Variants in WWOX observed in about 807,000 individuals in gnomAD.
WWOX encodes WW domain-containing oxidoreductase.
WWOX carries 69 observed loss-of-function variants against 46.2 expected under a neutral mutation model. That is an observed-to-expected ratio of 1.49 (90% CI 1.23 to 1.82). The LOEUF (loss-of-function observed/expected upper bound fraction) is 1.82. WWOX is among the 40% of genes most tolerant of loss of function. The pLI is 0.00. For synonymous variants in WWOX, 359 were observed against 202.6 expected (o/e 1.77, Z -6.56); for missense variants, 919 against 542.6 (o/e 1.69, Z -6.89).
intron 8 of WWOX, among the ~76,000 whole-genome samples, chr16:79,062,422 C>T (rs1437706932): frequency 6.6e-6 from 1 of 151,534 alleles, no homozygotes; most frequent in Admixed American, 6.6e-5. Flanking sequence ...GACTGTTTGC[C>T]AGGGAACCAA....
intron 8 of WWOX, among the ~76,000 whole-genome samples, chr16:78,969,905 A>G (rs573264483): frequency 2.6e-5 from 4 of 152,344 alleles, no homozygotes; most frequent in African/African-American, 9.6e-5. Context: ...TTCTAAAGCA[A>G]TAAAAATGTT....
At chr16:78,130,273 A>G (rs971158557) in intron 4 of WWOX, 3 of 152,212 alleles carry the variant, frequency 2.0e-5, no homozygotes, top group Non-Finnish European at 4.4e-5. Flanking sequence ...AGCCCTCATA[A>G]GTAAGATTTG....
chr16:78,622,679 G>C (rs1360965686), intron 8 of WWOX, among the ~76,000 whole-genome samples: 3 of 70,118 alleles, frequency 4.3e-5, no homozygotes, highest in Admixed American at 4.3e-4. Context: ...AATGTAGGTG[G>C]GATATGGGAG....
chr16:78,564,411 A>C (rs1389174474), intron 8 of WWOX, among the ~76,000 whole-genome samples: 1 of 152,206 alleles, frequency 6.6e-6, no homozygotes, highest in Non-Finnish European at 1.5e-5. Context: ...CTCAGGAAGC[A>C]TGAACATTTC....
In WWOX at chr16:78,688,131, G is replaced by A. The variant is rs1025232788; in HGVS notation, c.1056+255379G>A. ...ATTTCTATATATCTTAAAGTTTTCT[G>A]CAATAGAAATGCATTTCAAATATAA... On this transcript the variant is annotated intron_variant, in intron 8 of 8. Transcript: ENST00000566780. Among the ~76,000 whole-genome samples the A allele has an allele frequency of 9.2e-5, 14 of 151,840 alleles. No individual in the cohort carries two copies. The East Asian group carries it at 2.7e-3, about 29-fold the overall frequency.
intron 8 of WWOX, among the ~76,000 whole-genome samples, chr16:78,685,711 T>A (rs556481218): frequency 6.6e-6 from 1 of 152,200 alleles, no homozygotes; most frequent in Admixed American, 6.5e-5. Flanking sequence ...CCTCCCTCTT[T>A]GAAATTATTC....
At chr16:78,658,780 A>T (rs535426142) in intron 8 of WWOX, among the ~76,000 whole-genome samples, 1 of 152,116 alleles carries the variant, frequency 6.6e-6, no homozygotes, top group South Asian at 2.1e-4. Context: ...ATCTGTGAAG[A>T]TTCCATTTCT....
At chr16:78,704,716 C>T (rs546838442) in intron 8 of WWOX, among the ~76,000 whole-genome samples, 4 of 152,042 alleles carry the variant, frequency 2.6e-5, no homozygotes, top group Non-Finnish European at 4.4e-5. Flanking sequence ...GACAGTTTTC[C>T]GAGCTGCTGG....
At chr16:78,668,131 T>C (rs1350589616) in intron 8 of WWOX, among the ~76,000 whole-genome samples, 1 of 151,982 alleles carries the variant, frequency 6.6e-6, no homozygotes, top group South Asian at 2.1e-4. Context: ...ATACAAAAAA[T>C]TAGCCAGCTG....
intron 8 of WWOX, among the ~76,000 whole-genome samples, chr16:79,208,834 C>T (rs149276605): frequency 5.9e-5 from 9 of 152,128 alleles, no homozygotes; most frequent in African/African-American, 9.7e-5. Context: ...GCCATTGGTA[C>T]GGCTGAAAAT....
intron 8 of WWOX, among the ~76,000 whole-genome samples, chr16:78,564,165 G>A (rs990185652): frequency 6.6e-6 from 1 of 152,202 alleles, no homozygotes; most frequent in African/African-American, 2.4e-5. Flanking sequence ...GCTGACTCAT[G>A]CAATCTTGAG....
intron 8 of WWOX, among the ~76,000 whole-genome samples, chr16:78,820,811 G>C (rs376295785): frequency 1.3e-5 from 2 of 152,184 alleles, no homozygotes; most frequent in East Asian, 3.9e-4. Flanking sequence ...TGGAAGCTAT[G>C]AGGGAGAAAC....
At chr16:78,567,039 C>A (rs1291056512) in intron 8 of WWOX, among the ~76,000 whole-genome samples, 1 of 152,102 alleles carries the variant, frequency 6.6e-6, no homozygotes, top group East Asian at 1.9e-4. Flanking sequence ...GTCATACATT[C>A]ATTATTTGTT....
At position 78,797,261 on chromosome 16, in the gene WWOX, G is replaced by C. The variant is rs945477650; in HGVS notation, c.1056+364509G>C. ...TGCTAAAGGGAAGACATGATCTCAA[G>C]TCAGCCACCTCTGACCCAAATAAGA... On this transcript the variant is annotated intron_variant, in intron 8 of 8. Coordinates refer to ENST00000566780, the MANE Select transcript of WWOX (RefSeq NM_016373.4). Among the ~76,000 whole-genome samples the C allele has an allele frequency of 2.0e-5, 3 of 146,384 alleles. No homozygotes were observed. The East Asian group carries it at 6.3e-4, about 31-fold the overall frequency.
chr16:78,946,693 C>T (rs560459435), intron 8 of WWOX, among the ~76,000 whole-genome samples: 1 of 152,070 alleles, frequency 6.6e-6, no homozygotes, highest in Non-Finnish European at 1.5e-5. Context: ...GCCTGGAAAA[C>T]TGTGTGGTGC....
intron 6 of WWOX, among the ~76,000 whole-genome samples, chr16:78,413,663 C>T (rs2082732304): frequency 6.6e-6 from 1 of 151,868 alleles, no homozygotes; most frequent in Admixed American, 6.6e-5. Flanking sequence ...GAGCAGGTCA[C>T]TGGGGATATG....
chr16:78,947,982 C>T lies in WWOX; in HGVS notation c.1057-263626C>T, dbSNP rs1057150113. On this transcript the variant is annotated intron_variant, in intron 8 of 8. Transcript: ENST00000566780. The stretch of plus-strand genomic sequence containing the variant: ...CTTAGATGTGAGGTCCAAGGACATT[C>T]TAGAGGAAGTCAAAGGCAGAGGGAG... Among the ~76,000 whole-genome samples, 3 of 152,120 alleles carry T rather than the reference C, an allele frequency of 2.0e-5. No individual in the cohort carries two copies. The South Asian group carries it at 6.2e-4, about 32-fold the overall frequency.
chr16:78,702,120 A>ATTTATT (rs1555519623), intron 8 of WWOX, among the ~76,000 whole-genome samples: 2 of 130,040 alleles, frequency 1.5e-5, no homozygotes, highest in Admixed American at 7.8e-5. Context: ...ATATATATAT[A>ATTTATT]TATTTATTTA....
At position 78,718,136 on chromosome 16, in the gene WWOX, C is replaced by T. The variant is rs1023194780; in HGVS notation, c.1056+285384C>T. 3.5e-5 allele frequency among the ~76,000 whole-genome samples: 5 copies of T among 142,048 alleles called. 1 individual carries two copies. Among genetic ancestry groups the T allele is most frequent in the Admixed American group, 6.9e-5 (1 of 14,446 alleles). 93.2% of individuals were successfully genotyped at this position (142,048 alleles called of 152,430 possible). On this transcript the variant is annotated intron_variant, in intron 8 of 8. Coordinates refer to ENST00000566780, the MANE Select transcript of WWOX (RefSeq NM_016373.4). The stretch of plus-strand genomic sequence containing the variant: ...GGTTATTTATAGAGAAAGTATGGGC[C>T]ATTGCATGTTTATAGTATCTCTTTT...
Sources: gnomAD v4.1 joint callset for allele counts (sites outside exome capture counted in the v4.1 genomes callset) on GRCh38, gnomAD v4.1.1 for gene constraint, MANE v1.5 for transcripts, NCBI Gene and HGNC (gene_info 2026-07-23, HGNC 2026-07-21) for gene names.